VAV2: variants seen among roughly 807,000 people sequenced by gnomAD.
VAV2 encodes vav guanine nucleotide exchange factor 2.
Under a neutral mutation model 132.5 loss-of-function variants are expected in VAV2, and 67 were observed. That is an observed-to-expected ratio of 0.51 (90% CI 0.42 to 0.62). VAV2 has a LOEUF of 0.62. VAV2 is among the 20% of genes least tolerant of loss of function. The probability of loss-of-function intolerance (pLI) is 0.00; values close to 1 mark genes in which losing one functional copy is unlikely to be tolerated. For missense variants in VAV2, 938 were observed against 1,153.6 expected (o/e 0.81, Z 2.71); for synonymous variants, 492 against 443.5 (o/e 1.11, Z -1.37).
At chr9:133,968,667 C>G (rs2132248917) in intron 1 of VAV2, among the ~76,000 whole-genome samples, 1 of 152,310 alleles carries the variant, frequency 6.6e-6, no homozygotes, top group East Asian at 1.9e-4. Flanking sequence ...ACTGACCCAT[C>G]ACAGAGCCTT....
intron 1 of VAV2, among the ~76,000 whole-genome samples, chr9:133,967,701 G>A (rs970457238): frequency 2.0e-5 from 3 of 152,078 alleles, no homozygotes; most frequent in Non-Finnish European, 4.4e-5. Context: ...GGAGGCCTAG[G>A]CTGGTGGATC....
intron 1 of VAV2, among the ~76,000 whole-genome samples, chr9:133,940,668 C>CGTGTGT (rs1554814208): frequency 1.7e-5 from 1 of 58,746 alleles, no homozygotes; most frequent in African/African-American, 8.2e-5. Flanking sequence ...TCTCTGTCCA[C>CGTGTGT]GTGCGTGTGT....
chr9:133,888,465 G>A (rs1838800470), intron 2 of VAV2, among the ~76,000 whole-genome samples: 1 of 152,220 alleles, frequency 6.6e-6, no homozygotes, highest in Admixed American at 6.5e-5. Context: ...TTGAACCCAA[G>A]GCCAAACACG....
Position 133,769,729 on chromosome 9 carries a change from C to T in VAV2, c.2348-226G>A, listed in dbSNP as rs950015458. 1.3e-5 allele frequency among the ~76,000 whole-genome samples: 2 copies of T among 152,180 alleles called. No homozygotes were observed. Among genetic ancestry groups the T allele is most frequent in the Admixed American group, 6.5e-5 (1 of 15,280 alleles). On this transcript the variant is annotated intron_variant, in intron 27 of 29. Transcript: ENST00000371850. This position sits in a 1 kb window ranked among gnomAD's most constrained non-coding sequence, Gnocchi z 8.1. ...CTACCCTGGAACCACTCTATGCACC[C>T]GTGTACTCGAGAGCAAATTGGGACC... is the stretch of plus-strand genomic sequence containing the variant.
chr9:133,917,441 C>CTTTTTT (rs56141918), intron 2 of VAV2, among the ~76,000 whole-genome samples: 2 of 132,602 alleles, frequency 1.5e-5, no homozygotes, highest in African/African-American at 6.6e-5. Context: ...AAAACTCTTT[C>CTTTTTT]TTTTTTTTTT....
rs1836689641 is a variant in VAV2 at position 133,840,785 on chromosome 9, T to C, written c.381-6445A>G. ...GGATAATAAATCAGGCTCCTATCCTTGCCCTCAGGACTTCTGTGAAAATCT... is the reference window on the plus strand; with the variant it reads ...GGATAATAAATCAGGCTCCTATCCTCGCCCTCAGGACTTCTGTGAAAATCT... On this transcript the variant is annotated intron_variant, in intron 3 of 29. Coordinates refer to ENST00000371850, the MANE Select transcript of VAV2 (RefSeq NM_001134398.2). The surrounding 1 kb of genome is among the most constrained non-coding windows in gnomAD (Gnocchi z 4.5). Among the ~76,000 whole-genome samples the C allele has an allele frequency of 6.6e-6, 1 of 152,188 alleles. No individual in the cohort carries two copies. Among genetic ancestry groups the C allele is most frequent in the Admixed American group, 6.5e-5 (1 of 15,284 alleles).
chr9:133,797,900 TA>T, intron 9 of VAV2, 91 bp from the exon 10 acceptor site: 1 of 1,223,898 alleles, frequency 8.2e-7, no homozygotes, highest in Non-Finnish European at 1.1e-6. Context: ...CAGCAGGCTG[TA>T]GGTGCGCAAC....
rs147983810 is a variant in VAV2, at chr9:133,808,294, C to A, written c.666+746G>T. On this transcript the variant is annotated intron_variant, in intron 7 of 29. Coordinates refer to ENST00000371850, the MANE Select transcript of VAV2 (RefSeq NM_001134398.2). ...AGAGGGTGGGGCAGCAGGAGGGGGCCCGGCCGGAGCAAGGCCAGCCTGGGC... is the reference window on the plus strand; with the variant it reads ...AGAGGGTGGGGCAGCAGGAGGGGGCACGGCCGGAGCAAGGCCAGCCTGGGC... Among the ~76,000 whole-genome samples the A allele has an allele frequency of 8.4e-3, 1,279 of 152,302 alleles. 13 individuals carry two copies. Among genetic ancestry groups the A allele is most frequent in the African/African-American group, 0.029 (1,217 of 41,564 alleles).
rs186794795 is a variant in VAV2 at position 133,804,023 on chromosome 9, G to C, written c.836+2058C>G. On this transcript the variant is annotated intron_variant, in intron 9 of 29. Transcript: ENST00000371850. This position sits in a 1 kb window ranked among gnomAD's most constrained non-coding sequence, Gnocchi z 4.5. ...CTCCAGCAACGCCGCAGCTCCCCCC[G>C]GAGCTTCTCTATCTTGTCTTGGTTC... Among the ~76,000 whole-genome samples the C allele has an allele frequency of 3.6e-3, 544 of 152,150 alleles. No individual in the cohort carries two copies. Among genetic ancestry groups the C allele is most frequent in the African/African-American group, 0.012 (492 of 41,512 alleles).
intron 9 of VAV2, among the ~76,000 whole-genome samples, chr9:133,803,175 C>T (rs1835003257): frequency 6.6e-6 from 1 of 152,148 alleles, no homozygotes; most frequent in South Asian, 2.1e-4. Context: ...GTCTCGGATC[C>T]TTCATCTCCA....
chr9:133,914,083 A>T (rs752709969), intron 2 of VAV2, among the ~76,000 whole-genome samples: 19 of 152,224 alleles, frequency 1.2e-4, no homozygotes, highest in Admixed American at 5.2e-4. Context: ...CTGAGACCCT[A>T]AGCCCCAGGA....
chr9:133,896,193 G>A (rs527598108), intron 2 of VAV2, among the ~76,000 whole-genome samples: 1 of 152,320 alleles, frequency 6.6e-6, no homozygotes, highest in South Asian at 2.1e-4. Flanking sequence ...AGTGGCTTAC[G>A]CCTATAATCC....
intron 2 of VAV2, among the ~76,000 whole-genome samples, chr9:133,924,937 C>G (rs540189826): frequency 2.6e-4 from 40 of 152,362 alleles, no homozygotes; most frequent in Admixed American, 2.6e-3. Context: ...AAACCTGAAA[C>G]TTCACGCTCA....
At chr9:133,796,199 C>G (rs539936508) in intron 11 of VAV2, among the ~76,000 whole-genome samples, 1 of 152,328 alleles carries the variant, frequency 6.6e-6, no homozygotes, top group South Asian at 2.1e-4. Flanking sequence ...CTGTCTCTTT[C>G]AGTTTTCTGA....
rs1211360117 is a variant in VAV2 at position 133,826,849 on chromosome 9, G to T, written c.449+7423C>A. Among the ~76,000 whole-genome samples, 2 of 152,172 alleles carry T rather than the reference G, an allele frequency of 1.3e-5. No individual in the cohort carries two copies. Among genetic ancestry groups the T allele is most frequent in the African/African-American group, 4.8e-5 (2 of 41,416 alleles). On this transcript the variant is annotated intron_variant, in intron 4 of 29. Transcript: ENST00000371850. The surrounding 1 kb of genome is among the most constrained non-coding windows in gnomAD (Gnocchi z 4.2). Reference sequence around the variant, plus strand: ...AGGCGGCCTGGCCCTGCTGGGGACTGGGGTGTGCAGCCTACTTCACAGACA... The same window carrying T: ...AGGCGGCCTGGCCCTGCTGGGGACTTGGGTGTGCAGCCTACTTCACAGACA...
intron 2 of VAV2, among the ~76,000 whole-genome samples, chr9:133,911,772 C>T (rs1418834794): frequency 6.6e-6 from 1 of 152,240 alleles, no homozygotes; most frequent in Non-Finnish European, 1.5e-5. Flanking sequence ...TCCGCCTGGG[C>T]GGGGAGGGCT....
rs115355897 is a variant in VAV2, at chr9:133,821,660, T to G, written c.450-9444A>C. Among the ~76,000 whole-genome samples, 857 of 152,328 alleles carry G rather than the reference T, an allele frequency of 5.6e-3. 14 individuals are homozygous for G. Among genetic ancestry groups the G allele is most frequent in the African/African-American group, 0.019 (808 of 41,576 alleles). On this transcript the variant is annotated intron_variant, in intron 4 of 29. Transcript: ENST00000371850. ...TAAAAATGACAGATTTTTTAAAACC[T>G]AGGAGACTAAAAAGTTGGATGGGGG...
chr9:133,766,759 A>ATATATATATAT (rs1833447141), intron 29 of VAV2, among the ~76,000 whole-genome samples: 66 of 112,108 alleles, frequency 5.9e-4, no homozygotes, highest in African/African-American at 1.4e-3. Flanking sequence ...AGTATAAATA[A>ATATATATATAT]ATATATATAT....
intron 29 of VAV2, among the ~76,000 whole-genome samples, chr9:133,765,499 T>G (rs971945287): frequency 1.3e-5 from 2 of 152,142 alleles, no homozygotes; most frequent in Non-Finnish European, 2.9e-5. Context: ...TTGAGAGATA[T>G]CCTATAAAAA....
Sources: allele counts gnomAD v4.1 joint callset (sites outside exome capture counted in the v4.1 genomes callset), GRCh38; gene constraint gnomAD v4.1.1; non-coding constraint Gnocchi (gnomAD v3.1); transcripts MANE v1.5; gene names NCBI Gene and HGNC (gene_info 2026-07-23, HGNC 2026-07-21).